ZSWIM7: variants seen among roughly 807,000 people sequenced by gnomAD.
ZSWIM7 encodes zinc finger SWIM domain-containing protein 7.
ZSWIM7 carries 22 observed loss-of-function variants against 21.1 expected under a neutral mutation model. The ratio of observed to expected loss-of-function variants is 1.04; its 90% CI spans 0.74 to 1.49. The LOEUF (loss-of-function observed/expected upper bound fraction) is 1.49, where lower values mean the gene tolerates loss of function less well. Ranked by LOEUF, ZSWIM7 falls within the 40% of genes most tolerant of loss-of-function variation. The pLI, the probability that ZSWIM7 is intolerant of heterozygous loss-of-function variation, is 0.00. For synonymous variants in ZSWIM7, 67 were observed against 66.5 expected (o/e 1.01, Z -0.04); for missense variants, 193 against 168.0 (o/e 1.15, Z -0.82).
At chr17:15,983,867 A>G (rs1280475670) in intron 3 of ZSWIM7, among the ~76,000 whole-genome samples, 1 of 152,120 alleles carries the variant, frequency 6.6e-6, no homozygotes, top group Non-Finnish European at 1.5e-5. Flanking sequence ...GATTCCAAGC[A>G]TGAACCACCA....
intron 1 of ZSWIM7, among the ~76,000 whole-genome samples, chr17:15,998,845 C>T (rs1484215732): frequency 1.3e-5 from 2 of 151,758 alleles, no homozygotes; most frequent in African/African-American, 4.8e-5. Context: ...ACCTCCGCCT[C>T]CCGGGTTCAA....
Position 15,979,675 on chromosome 17 carries a change from C to T in ZSWIM7, c.306+1365G>A, listed in dbSNP as rs567890569. Among the ~76,000 whole-genome samples the T allele has an allele frequency of 1.6e-3, 221 of 135,036 alleles. 7 individuals are homozygous for T. Among genetic ancestry groups the T allele is most frequent in the Non-Finnish European group, 1.2e-3 (73 of 62,636 alleles). 88.6% of individuals were successfully genotyped at this position (135,036 alleles called of 152,430 possible). A position where few individuals can be genotyped will look rare whatever the true frequency, so the allele number is the denominator to read the frequency against. ...GCTGGCTGGGCGGAGGACTGACCCCCCCCACCTCCCTCCCGAATGGGGCGG... is the reference window on the plus strand; with the variant it reads ...GCTGGCTGGGCGGAGGACTGACCCCTCCCACCTCCCTCCCGAATGGGGCGG... On this transcript the variant is annotated intron_variant, in intron 4 of 4. Coordinates refer to ENST00000399277, the MANE Select transcript of ZSWIM7 (RefSeq NM_001042697.2).
rs961953577 is a variant in ZSWIM7 at position 15,999,695 on chromosome 17, G to A, written c.-101C>T. ...TCCTGACCCCCCGCCGGGGCAGGGC[G>A]AGACGGAGTGACGTCGGGGCGCGTC... On this transcript the variant is annotated 5_prime_UTR_variant, in exon 1 of 5. Coordinates refer to ENST00000399277, the MANE Select transcript of ZSWIM7 (RefSeq NM_001042697.2). 2.4e-5 allele frequency: 38 copies of A among 1,554,000 alleles called. No individual in the cohort carries two copies. The highest frequency in any genetic ancestry group is 1.7e-4 in the Middle Eastern group (1 of 5,972).
At position 15,984,053 on chromosome 17, in the gene ZSWIM7, C is replaced by T. The variant is rs62073578; in HGVS notation, c.202-2909G>A. ...CTGCTTCCTTCTTATTGCGAGTCCC[C>T]GTCCATCATAATCCTCCCTGGATCA... On this transcript the variant is annotated intron_variant, in intron 3 of 4. Transcript: ENST00000399277. Among the ~76,000 whole-genome samples the T allele has an allele frequency of 6.3e-3, 966 of 152,240 alleles. 5 individuals are homozygous for T. The highest frequency in any genetic ancestry group is 8.4e-3 in the Non-Finnish European group (574 of 68,000).
At chr17:15,982,393 A>T (rs1402949373) in intron 3 of ZSWIM7, among the ~76,000 whole-genome samples, 1 of 152,222 alleles carries the variant, frequency 6.6e-6, no homozygotes, top group Non-Finnish European at 1.5e-5. Flanking sequence ...GCCACTTAGG[A>T]ATTTGCCACA....
intron 4 of ZSWIM7, among the ~76,000 whole-genome samples, chr17:15,979,498 G>A (rs1214360755): frequency 6.6e-6 from 1 of 152,176 alleles, no homozygotes; most frequent in African/African-American, 2.4e-5. Flanking sequence ...TCAATGAGCT[G>A]TTGGGTACAC....
At chr17:15,984,836 A>ATC (rs1767874219) in intron 3 of ZSWIM7, among the ~76,000 whole-genome samples, 1 of 152,144 alleles carries the variant, frequency 6.6e-6, no homozygotes. Flanking sequence ...GCCCACTGGG[A>ATC]TCCCTGCATG....
intron 2 of ZSWIM7, among the ~76,000 whole-genome samples, chr17:15,989,241 A>G (rs888125012): frequency 6.6e-6 from 1 of 152,238 alleles, no homozygotes; most frequent in African/African-American, 2.4e-5. Flanking sequence ...AAGGTTGAAG[A>G]CAAAATTATA....
At position 15,977,986 on chromosome 17, in the gene ZSWIM7, G is replaced by T; in HGVS notation, c.*61C>A. On this transcript the variant is annotated 3_prime_UTR_variant, in exon 5 of 5. Transcript: ENST00000399277. ...ACCTCTTTTCCATGTGAATCATGAC[G>T]CTTTCAATGCATTTCTTGACAGGAT... 7.7e-7 allele frequency: 1 copy of T among 1,304,040 alleles called. No individual in the cohort carries two copies. The highest frequency in any genetic ancestry group is 1.1e-6 in the Non-Finnish European group (1 of 902,166). The allele number at this position is 1,304,040 out of a possible 1,614,324, so 80.8% of individuals were successfully genotyped here.
Position 15,976,662 on chromosome 17 carries a change from G to A in ZSWIM7, c.*1385C>T, listed in dbSNP as rs545084517. The A allele has an allele frequency of 6.6e-6, 1 of 152,268 alleles. No individual in the cohort carries two copies. The highest frequency in any genetic ancestry group is 2.1e-4 in the South Asian group (1 of 4,812). 9.4% of individuals were successfully genotyped at this position (152,268 alleles called of 1,614,324 possible). A position where few individuals can be genotyped will look rare whatever the true frequency, so the allele number is the denominator to read the frequency against. On this transcript the variant is annotated 3_prime_UTR_variant, in exon 5 of 5. Transcript: ENST00000399277. ...CAGAACATTGCAACACCTAGGCCCT[G>A]GGCTTTCCCCCAGCATTCATTCACT...
At chr17:15,995,093 CA>C (rs1970532271) in intron 1 of ZSWIM7, among the ~76,000 whole-genome samples, 1 of 151,916 alleles carries the variant, frequency 6.6e-6, no homozygotes, top group South Asian at 2.1e-4. Context: ...AAAACAGGCA[CA>C]AAAACAGGCA....
rs191478350 is a variant in ZSWIM7 at position 15,987,911 on chromosome 17, G to A, written c.99-543C>T. Among the ~76,000 whole-genome samples, 490 of 152,170 alleles carry A rather than the reference G, an allele frequency of 3.2e-3. 6 individuals carry two copies. The highest frequency in any genetic ancestry group is 0.011 in the African/African-American group (454 of 41,516). Reference sequence around the variant, plus strand: ...AGGTGTGAGCCACTGCGCCTGGCCTGTATTATATTTTTAATAAAGGGAGTA... The same window carrying A: ...AGGTGTGAGCCACTGCGCCTGGCCTATATTATATTTTTAATAAAGGGAGTA... On this transcript the variant is annotated intron_variant, in intron 2 of 4. Transcript: ENST00000399277.
intron 3 of ZSWIM7, among the ~76,000 whole-genome samples, 187 bp downstream of exon 3, chr17:15,987,079 G>A (rs1405365763): frequency 6.6e-6 from 1 of 152,126 alleles, no homozygotes; most frequent in African/African-American, 2.4e-5. Context: ...AATATAGACA[G>A]TTTCTGTCAG....
chr17:15,990,587 G>C (rs1970470082), intron 2 of ZSWIM7, among the ~76,000 whole-genome samples: 1 of 151,964 alleles, frequency 6.6e-6, no homozygotes, highest in Non-Finnish European at 1.5e-5. Context: ...AAAATGGCAG[G>C]GTTAAACTCA....
intron 1 of ZSWIM7, among the ~76,000 whole-genome samples, chr17:15,997,286 G>A (rs1415711074): frequency 6.6e-6 from 1 of 152,114 alleles, no homozygotes; most frequent in Non-Finnish European, 1.5e-5. Context: ...ACAGCCGAGA[G>A]ATCAGCCAGT....
intron 4 of ZSWIM7, among the ~76,000 whole-genome samples, chr17:15,980,058 G>C (rs1285409649): frequency 7.4e-6 from 1 of 135,728 alleles, no homozygotes. Context: ...CTCCCTCCCG[G>C]ACGGGGCGGC....
intron 2 of ZSWIM7, 85 bp from the exon 3 acceptor site, chr17:15,987,453 ATT>A: frequency 8.7e-7 from 1 of 1,146,128 alleles, no homozygotes; most frequent in Non-Finnish European, 1.2e-6. Context: ...TAGACTTAGT[ATT>A]TTTTAAAAAT....
intron 4 of ZSWIM7, 124 bp downstream of exon 4, chr17:15,980,916 C>CA: frequency 1.5e-6 from 1 of 659,608 alleles, no homozygotes. Context: ...AAGACAAAGA[C>CA]AAAAAACTAC....
intron 1 of ZSWIM7, 33 bp downstream of exon 1, chr17:15,999,486 A>T (rs1215837184): frequency 6.3e-7 from 1 of 1,592,744 alleles, no homozygotes; most frequent in Admixed American, 1.7e-5. Context: ...GCCCGCGCCC[A>T]TGGCGCAGCC....
Sources: allele counts gnomAD v4.1 joint callset (sites outside exome capture counted in the v4.1 genomes callset), GRCh38; gene constraint gnomAD v4.1.1; transcripts MANE v1.5; gene names NCBI Gene and HGNC (gene_info 2026-07-23, HGNC 2026-07-21).